Variants in RAP1GAP observed in about 807,000 individuals in gnomAD.
RAP1GAP encodes the protein RAP1 GTPase activating protein.
RAP1GAP carries 35 observed loss-of-function variants against 87.2 expected under a neutral mutation model. The ratio of observed to expected loss-of-function variants is 0.40; its 90% CI spans 0.31 to 0.53. The LOEUF (loss-of-function observed/expected upper bound fraction) is 0.53. RAP1GAP is among the 20% of genes least tolerant of loss of function. The pLI, the probability that RAP1GAP is intolerant of heterozygous loss-of-function variation, is 0.48. For missense variants in RAP1GAP, 734 were observed against 898.9 expected, an observed-to-expected ratio of 0.82 and a Z score of 2.35; for synonymous variants, 375 against 363.9, an observed-to-expected ratio of 1.03 and a Z score of -0.35.
chr1:21,607,633 C>T (rs1019472659), intron 17 of RAP1GAP, among the ~76,000 whole-genome samples: 17 of 152,082 alleles, frequency 1.1e-4, no homozygotes, highest in African/African-American at 4.1e-4. Flanking sequence ...TACCAGCAGC[C>T]CTTGCTGTCT....
At chr1:21,644,728 T>C (rs1322998140) in intron 2 of RAP1GAP, among the ~76,000 whole-genome samples, 2 of 151,802 alleles carry the variant, frequency 1.3e-5, no homozygotes, top group African/African-American at 2.4e-5. Flanking sequence ...TGAAACCCCA[T>C]CTCTACTAAA....
At position 21,603,813 on chromosome 1, in the gene RAP1GAP, C is replaced by A. The variant is rs776844571; in HGVS notation, c.1429-900G>T. 1 of 1,606,682 alleles carries A rather than the reference C, an allele frequency of 6.2e-7. No individual in the cohort carries two copies. The highest frequency in any genetic ancestry group is 1.3e-5 in the African/African-American group (1 of 74,812). On this transcript the variant is annotated intron_variant, in intron 18 of 24. Transcript: ENST00000374765. This position sits in a 1 kb window ranked among gnomAD's most constrained non-coding sequence, Gnocchi z 6.0. ...AGCGCGTGCAGGCAGCCTCCAGAGC[C>A]GGCGGCCCCGCGGACGACAACCTCT...
At chr1:21,633,578 G>A (rs2094182519) in intron 2 of RAP1GAP, among the ~76,000 whole-genome samples, 1 of 152,156 alleles carries the variant, frequency 6.6e-6, no homozygotes, top group Admixed American at 6.5e-5. Flanking sequence ...GCAAGAGCAG[G>A]AGGAGCCCAC....
In RAP1GAP at chr1:21,603,840, C is replaced by T. The variant is rs1220111011; in HGVS notation, c.1429-927G>A. On this transcript the variant is annotated intron_variant, in intron 18 of 24. Coordinates refer to ENST00000374765, the MANE Select transcript of RAP1GAP (RefSeq NM_002885.4). This position sits in a 1 kb window ranked among gnomAD's most constrained non-coding sequence, Gnocchi z 6.0. The stretch of plus-strand genomic sequence containing the variant: ...GCGGCCCCGCGGACGACAACCTCTT[C>T]CACGGTTCCTATGCCTATGGCACTG... 3 of 1,610,344 alleles carry T rather than the reference C, an allele frequency of 1.9e-6. No individual in the cohort carries two copies. The highest frequency in any genetic ancestry group is 1.7e-6 in the Non-Finnish European group (2 of 1,178,514).
chr1:21,626,314 A>G lies in RAP1GAP; in HGVS notation c.-29T>C. Reference sequence around the variant, plus strand: ...GAGGGGGACACTTACCTTAGGGTAGAGTGAAGGAGTATAGGAGGGAACTAA... The same window carrying G: ...GAGGGGGACACTTACCTTAGGGTAGGGTGAAGGAGTATAGGAGGGAACTAA... On this transcript the variant is annotated 5_prime_UTR_variant, in exon 3 of 25. Coordinates refer to ENST00000374765, the MANE Select transcript of RAP1GAP (RefSeq NM_002885.4). 2 of 1,606,206 alleles carry G rather than the reference A, an allele frequency of 1.2e-6. No individual in the cohort carries two copies. The highest frequency in any genetic ancestry group is 3.3e-5 in the Admixed American group (2 of 60,004).
At chr1:21,635,131 CT>C (rs1173673494) in intron 2 of RAP1GAP, among the ~76,000 whole-genome samples, 1 of 152,194 alleles carries the variant, frequency 6.6e-6, no homozygotes, top group African/African-American at 2.4e-5. Flanking sequence ...CCCAGCTGCT[CT>C]GCCCCCTGCC....
intron 2 of RAP1GAP, among the ~76,000 whole-genome samples, chr1:21,646,544 C>T (rs1450276388): frequency 2.0e-5 from 3 of 152,200 alleles, no homozygotes; most frequent in African/African-American, 7.2e-5. Flanking sequence ...GAGTAAAATG[C>T]CTGGCATGCT....
chr1:21,598,990 G>A (rs373610759), intron 21 of RAP1GAP, among the ~76,000 whole-genome samples: 30 of 152,266 alleles, frequency 2.0e-4, no homozygotes, highest in African/African-American at 3.4e-4. Flanking sequence ...GGCAAAGCCC[G>A]AGGACTGTGA....
chr1:21,628,400 TAAAAAAAAAAAAAAAAAA>T (rs528098037), intron 2 of RAP1GAP, among the ~76,000 whole-genome samples: 3 of 52,434 alleles, frequency 5.7e-5, no homozygotes, highest in Non-Finnish European at 6.2e-5. Context: ...CCATCTCTAC[TAAAAAAAAAAAAAAAAAA>T]AAAAAAAAAA....
At position 21,614,054 on chromosome 1, in the gene RAP1GAP, G is replaced by A. The variant is rs752830604; in HGVS notation, c.327C>T (p.Leu109=). The change falls in exon 8 of 25, where the codon CTC becomes CTT. Residue 109 remains leucine (L), a synonymous_variant. Coordinates refer to ENST00000374765, the MANE Select transcript of RAP1GAP (RefSeq NM_002885.4). ...ACTTGAGTGAGAAGACAAGGTGGCC[G>A]AGGGCAGCGTCCAGTGAGTAGTAAT... ...HFNYYSLDAA[L]GHLVFSLKYD... is the part of the protein sequence containing the mutation. 12 of 1,611,846 alleles carry A rather than the reference G, an allele frequency of 7.4e-6. No individual in the cohort carries two copies. The highest frequency in any genetic ancestry group is 3.3e-4 in the Middle Eastern group (2 of 6,074).
chr1:21,602,837 C>A lies in RAP1GAP; in HGVS notation c.1505G>T (p.Gly502Val). 1 of 1,610,678 alleles carries A rather than the reference C, an allele frequency of 6.2e-7. No homozygotes were observed. ...PFGSRRSSAIGIENIQEVQEK... is the reference protein window; with the variant it reads ...PFGSRRSSAIVIENIQEVQEK... ...CTGCACCTCCTGTATGTTCTCGATG[C>A]CAATGGCGCTGCTGCGGCGGGAGCC... Residue 502 changes from glycine (G) to valine (V), a missense_variant, in exon 19 of 25, where the codon GGC (glycine) becomes GTC (valine). Physicochemically the swap from Gly to Val is moderately radical, Grantham distance 109 (BLOSUM62 -3). Transcript: ENST00000374765.
chr1:21,660,319 C>A (rs1362339268), intron 1 of RAP1GAP, among the ~76,000 whole-genome samples: 1 of 50,778 alleles, frequency 2.0e-5, no homozygotes, highest in Non-Finnish European at 4.4e-5. Flanking sequence ...GAGGGCTGGA[C>A]AGAGTGGGTT....
At position 21,596,262 on chromosome 1, in the gene RAP1GAP, C is replaced by T. The variant is rs1363816399; in HGVS notation, c.*1037G>A. ...AGAATTTATTTTATACAACTGTTACCGACATCCACACGGCCACAGGGGCTT... is the reference window on the plus strand; with the variant it reads ...AGAATTTATTTTATACAACTGTTACTGACATCCACACGGCCACAGGGGCTT... On this transcript the variant is annotated 3_prime_UTR_variant, in exon 25 of 25. Transcript: ENST00000374765. 3 of 152,262 alleles carry T rather than the reference C, an allele frequency of 2.0e-5. No individual in the cohort carries two copies. Among genetic ancestry groups the T allele is most frequent in the Non-Finnish European group, 2.9e-5 (2 of 68,054 alleles). The allele number at this position is 152,262 out of a possible 1,614,324, so 9.4% of individuals were successfully genotyped here.
Position 21,603,023 on chromosome 1 carries a change from G to T in RAP1GAP, c.1429-110C>A, listed in dbSNP as rs1003275444. The T allele has an allele frequency of 4.1e-6, 3 of 734,234 alleles. No homozygotes were observed. Among genetic ancestry groups the T allele is most frequent in the Non-Finnish European group, 6.6e-6 (3 of 452,760 alleles). The allele number at this position is 734,234 out of a possible 1,614,324, so 45.5% of individuals were successfully genotyped here. On this transcript the variant is annotated intron_variant, in intron 18 of 24. Coordinates refer to ENST00000374765, the MANE Select transcript of RAP1GAP (RefSeq NM_002885.4). This position sits in a 1 kb window ranked among gnomAD's most constrained non-coding sequence, Gnocchi z 6.0. ...CCAGGCCCTGAAGCAGAGTTGATGA[G>T]CAAGAAAGAACGAGAGAAGATATCC... is the stretch of plus-strand genomic sequence containing the variant.
At position 21,617,302 on chromosome 1, in the gene RAP1GAP, C is replaced by G. The variant is rs142591385; in HGVS notation, c.291+4G>C. ...CAGCCCCGCTGCACCAGCCGGCCACCCACCTTGCCGAGAAAGTGCTTCCGG... is the reference window on the plus strand; with the variant it reads ...CAGCCCCGCTGCACCAGCCGGCCACGCACCTTGCCGAGAAAGTGCTTCCGG... On this transcript the variant is annotated splice_donor_region_variant and intron_variant, in intron 7 of 24. Coordinates refer to ENST00000374765, the MANE Select transcript of RAP1GAP (RefSeq NM_002885.4). The G allele has an allele frequency of 1.9e-6, 3 of 1,564,806 alleles. No homozygotes were observed. Among genetic ancestry groups the G allele is most frequent in the African/African-American group, 2.7e-5 (2 of 74,136 alleles).
Position 21,667,010 on chromosome 1 carries a change from C to G in RAP1GAP, c.-149+2244G>C, listed in dbSNP as rs184615892. Among the ~76,000 whole-genome samples the G allele has an allele frequency of 4.6e-5, 7 of 152,156 alleles. No individual in the cohort carries two copies. The East Asian group carries it at 1.4e-3, about 29-fold the overall frequency. ...GCAGGGGTCTTGGCCTGGGTGTGCC[C>G]GTGTGTTCCTGTGTCTGGGTCTCAG... is the stretch of plus-strand genomic sequence containing the variant. On this transcript the variant is annotated intron_variant, in intron 1 of 24. Transcript: ENST00000374765.
At chr1:21,602,965 C>A (rs1326378277) in intron 18 of RAP1GAP, 52 bp from the exon 19 acceptor site, 3 of 1,204,482 alleles carry the variant, frequency 2.5e-6, no homozygotes, top group Non-Finnish European at 1.1e-6. Flanking sequence ...GCCCCAGTGC[C>A]CCCCCCACAT....
At chr1:21,649,678 T>C in intron 2 of RAP1GAP, 83 bp downstream of exon 2, 1 of 1,449,910 alleles carries the variant, frequency 6.9e-7, no homozygotes, top group Non-Finnish European at 9.5e-7. Context: ...TGGCCTGGCA[T>C]CGCAGGGGTA....
intron 18 of RAP1GAP, 150 bp downstream of exon 18, chr1:21,605,916 G>T: frequency 1.9e-6 from 2 of 1,040,574 alleles, no homozygotes; most frequent in Non-Finnish European, 2.7e-6. Context: ...CCCTCCCATG[G>T]AAAGTAGTGG....
Sources: gnomAD v4.1 joint callset for allele counts (sites outside exome capture counted in the v4.1 genomes callset) on GRCh38, gnomAD v4.1.1 for gene constraint, Gnocchi (gnomAD v3.1) non-coding constraint, MANE v1.5 for transcripts, NCBI Gene and HGNC (gene_info 2026-07-23, HGNC 2026-07-21) for gene names.